RIN1: variants seen among roughly 807,000 people sequenced by gnomAD.
The protein encoded by RIN1 is ras inhibitor 1.
A neutral mutation model predicts 64.9 loss-of-function variants in RIN1; 52 were observed. The observed-to-expected ratio is 0.80, with a 90% CI of 0.64 to 1.01. The LOEUF (loss-of-function observed/expected upper bound fraction) is 1.01. Among genes scored for constraint, RIN1 ranks in the 50% least tolerant of loss-of-function variants. The pLI is 0.00. For synonymous variants in RIN1, 486 were observed against 483.6 expected (o/e 1.00, Z -0.06); for missense variants, 1,040 against 1,064.5 (o/e 0.98, Z 0.32).
Position 66,335,047 on chromosome 11 carries a change from G to C in RIN1, c.752C>G (p.Thr251Arg). 6.5e-7 allele frequency: 1 copy of C among 1,532,560 alleles called. No individual in the cohort carries two copies. Among genetic ancestry groups the C allele is most frequent in the Non-Finnish European group, 8.8e-7 (1 of 1,142,284 alleles). 94.9% of individuals were successfully genotyped at this position (1,532,560 alleles called of 1,614,324 possible). The change falls in exon 6 of 10, where the codon ACA (threonine) becomes AGA (arginine). Residue 251 changes from threonine to arginine, a missense_variant. Transcript: ENST00000311320. The stretch of plus-strand genomic sequence containing the variant: ...TGGAGACAGGGGGCTGGAGGTCTCT[G>C]TGGACACGCGCACTTTGAAGCTTCT... ...FKRSFKVRVSTETSSPLSPPA... is the reference protein window; with the variant it reads ...FKRSFKVRVSRETSSPLSPPA...
rs750484575 is a variant in RIN1, at chr11:66,335,480, C to A, written c.474G>T (p.Pro158=). ...YCHTRDILLL[P]LQLPRAIHHA... ...GGTGGATGGCTCTGGGGAGCTGCAG[C>A]GGGAGGAGAAGGATGTCCCTGAGGC... The change falls in exon 5 of 10, where the codon CCG becomes CCT. Residue 158 remains proline (P), a synonymous_variant. Transcript: ENST00000311320. 3 of 1,613,430 alleles carry A rather than the reference C, an allele frequency of 1.9e-6. No individual in the cohort carries two copies. The highest frequency in any genetic ancestry group is 1.7e-4 in the Middle Eastern group (1 of 6,056).
rs779824770 is a variant in RIN1 at position 66,333,970 on chromosome 11, G to A, written c.1540C>T (p.Arg514Trp). The change falls in exon 7 of 10, where the codon CGG becomes TGG. Residue 514 changes from arginine to tryptophan, a missense_variant. Physicochemically the swap from Arg to Trp is moderately radical, Grantham distance 101. Transcript: ENST00000311320. ...AGCAGCTTGCAGGCCTGCAGGAGCCGCTTGACCTGGGCGCTGGGTGAGTAG... is the reference window on the plus strand; with the variant it reads ...AGCAGCTTGCAGGCCTGCAGGAGCCACTTGACCTGGGCGCTGGGTGAGTAG... Reference protein sequence around the residue: ...RTYSPSAQVKRLLQACKLLYM... With the variant: ...RTYSPSAQVKWLLQACKLLYM... The A allele has an allele frequency of 1.2e-4, 185 of 1,559,058 alleles. No individual in the cohort carries two copies. In the Middle Eastern group the frequency reaches 1.9e-3, roughly 16 times the overall value.
Position 66,336,388 on chromosome 11 carries a change from T to C in RIN1, c.15A>G (p.Gly5=), listed in dbSNP as rs770309225. The C allele has an allele frequency of 1.9e-6, 3 of 1,613,126 alleles. No homozygotes were observed. Among genetic ancestry groups the C allele is most frequent in the Admixed American group, 3.3e-5 (2 of 59,944 alleles). The change falls in exon 1 of 10, where the codon GGA becomes GGG. Residue 5 remains glycine, a synonymous_variant. Coordinates refer to ENST00000311320, the MANE Select transcript of RIN1 (RefSeq NM_004292.3). ...CTCCAGGAGAGCCCGCGCCTGACTCTCCAGGGCTTTCCATGGCTGGGAGCT... is the reference window on the plus strand; with the variant it reads ...CTCCAGGAGAGCCCGCGCCTGACTCCCCAGGGCTTTCCATGGCTGGGAGCT... The part of the protein sequence containing the change: MESP[G]ESGAGSPGAP...
rs374113133 is a variant in RIN1 at position 66,332,791 on chromosome 11, G to A, written c.1876-39C>T. On this transcript the variant is annotated intron_variant, in intron 9 of 9. Transcript: ENST00000311320. Reference sequence around the variant, plus strand: ...GAAGCAAAAACAAGTACTCAGCCCCGGCTGGCATGCATCTGGCTCCAAAGC... The same window carrying A: ...GAAGCAAAAACAAGTACTCAGCCCCAGCTGGCATGCATCTGGCTCCAAAGC... 1,595 of 1,418,526 alleles carry A rather than the reference G, an allele frequency of 1.1e-3. 11 individuals are homozygous for A. Among genetic ancestry groups the A allele is most frequent in the African/African-American group, 9.4e-4 (66 of 70,096 alleles). 87.9% of individuals were successfully genotyped at this position (1,418,526 alleles called of 1,614,324 possible).
chr11:66,335,913 G>C, intron 2 of RIN1, 37 bp from the exon 3 acceptor site: 2 of 1,513,690 alleles, frequency 1.3e-6, no homozygotes, highest in South Asian at 1.3e-5. Context: ...TCAGGACCTT[G>C]GCGTCCCATC....
Position 66,330,785 on chromosome 11 carries a change from A to C in RIN1, c.*1491T>G, listed in dbSNP as rs1174942725. On this transcript the variant is annotated 3_prime_UTR_variant, in exon 10 of 10. Transcript: ENST00000311320. ...CATCTCAAACAAACAAACAAACAAA[A>C]AAACCCAAAAAGCCAATGTCCACGA... 2 of 151,706 alleles carry C rather than the reference A, an allele frequency of 1.3e-5. No homozygotes were observed. Among genetic ancestry groups the C allele is most frequent in the Non-Finnish European group, 2.9e-5 (2 of 68,176 alleles). 9.4% of individuals were successfully genotyped at this position (151,706 alleles called of 1,614,324 possible). A position where few individuals can be genotyped will look rare whatever the true frequency, so the allele number is the denominator to read the frequency against.
chr11:66,333,215 G>C (rs1480366003), intron 9 of RIN1, 43 bp downstream of exon 9: 1 of 1,601,652 alleles, frequency 6.2e-7, no homozygotes, highest in Admixed American at 1.7e-5. Context: ...GTGAAAGGCG[G>C]GGATGGCGTC....
Position 66,334,997 on chromosome 11 carries a change from G to C in RIN1, c.802C>G (p.Pro268Ala). 6.5e-7 allele frequency: 1 copy of C among 1,546,686 alleles called. No individual in the cohort carries two copies. Among genetic ancestry groups the C allele is most frequent in the Non-Finnish European group, 8.7e-7 (1 of 1,148,330 alleles). The change falls in exon 6 of 10, where the codon CCC becomes GCC. Residue 268 changes from proline to alanine, a missense_variant. Coordinates refer to ENST00000311320, the MANE Select transcript of RIN1 (RefSeq NM_004292.3). ...CTGGGGACTGCCCCTGGCAGCACGG[G>C]GACGGGGGGAGGTGGCACGGCAGGT... ...SPPAVPPPPV[P>A]VLPGAVPSQT...
In RIN1 at chr11:66,336,030, A is replaced by G; in HGVS notation, c.215T>C (p.Leu72Pro). The change falls in exon 2 of 10, where the codon CTG becomes CCG. Residue 72 changes from leucine to proline, a missense_variant. Coordinates refer to ENST00000311320, the MANE Select transcript of RIN1 (RefSeq NM_004292.3). ...CAGTGCGGCCGCTGCGTTGGCTTGC[A>G]GCTGCAGCCACACGGGCCGGGTGAG... ...LLLTRPVWLQ[L>P]QANAAAALHM... The G allele has an allele frequency of 6.8e-7, 1 of 1,467,290 alleles. No homozygotes were observed. The allele number at this position is 1,467,290 out of a possible 1,614,324, so 90.9% of individuals were successfully genotyped here.
At chr11:66,336,560 C>T, upstream of RIN1, 1 of 652,240 alleles carries the variant, frequency 1.5e-6, no homozygotes, top group African/African-American at 1.8e-5. Context: ...CTCCTCTGTT[C>T]TGGACCCTGC....
At position 66,335,059 on chromosome 11, in the gene RIN1, A is replaced by T. The variant is rs531365684; in HGVS notation, c.740T>A (p.Val247Glu). 6.5e-7 allele frequency: 1 copy of T among 1,526,844 alleles called. No individual in the cohort carries two copies. Among genetic ancestry groups the T allele is most frequent in the Non-Finnish European group, 8.8e-7 (1 of 1,139,686 alleles). The allele number at this position is 1,526,844 out of a possible 1,614,324, so 94.6% of individuals were successfully genotyped here. The change falls in exon 6 of 10, where the codon GTG becomes GAG. Residue 247 changes from valine (V) to glutamate (E), a missense_variant. Physicochemically the swap from Val to Glu is moderately radical, Grantham distance 121. Transcript: ENST00000311320. ...GCTGGAGGTCTCTGTGGACACGCGC[A>T]CTTTGAAGCTTCTCTTGAATTTCTC... ...KREKFKRSFK[V>E]RVSTETSSPL...
Position 66,335,857 on chromosome 11 carries a change from G to T in RIN1, c.287C>A (p.Ser96Tyr). ...CAGGGCCTGGCACTGGCGGGTGTTA[G>T]ATTTCCGCACGAGGAACGTCTGCAA... Reference protein sequence around the residue: ...EPPGTFLVRKSNTRQCQALCM... With the variant: ...EPPGTFLVRKYNTRQCQALCM... The change falls in exon 3 of 10, where the codon TCT (serine) becomes TAT (tyrosine). Residue 96 changes from serine to tyrosine, a missense_variant. By Grantham distance (144) the Ser-to-Tyr change is moderately radical (BLOSUM62 -2). Coordinates refer to ENST00000311320, the MANE Select transcript of RIN1 (RefSeq NM_004292.3). The T allele has an allele frequency of 6.3e-7, 1 of 1,578,552 alleles. No individual in the cohort carries two copies. Among genetic ancestry groups the T allele is most frequent in the Non-Finnish European group, 8.6e-7 (1 of 1,161,126 alleles).
At chr11:66,333,834 T>C in intron 7 of RIN1, 85 bp downstream of exon 7, 1 of 1,438,504 alleles carries the variant, frequency 7.0e-7, no homozygotes. Context: ...TGCAGGGCTG[T>C]TCTAGGGTCC....
chr11:66,335,394 A>G lies in RIN1; in HGVS notation c.547+13T>C, dbSNP rs770588400. On this transcript the variant is annotated intron_variant, in intron 5 of 9. Coordinates refer to ENST00000311320, the MANE Select transcript of RIN1 (RefSeq NM_004292.3). Reference sequence around the variant, plus strand: ...CTTGTTCATCTGTGCAATGGGTGGCAGGAAGCCCTTACCAATGCCCAGATG... The same window carrying G: ...CTTGTTCATCTGTGCAATGGGTGGCGGGAAGCCCTTACCAATGCCCAGATG... 1 of 1,598,844 alleles carries G rather than the reference A, an allele frequency of 6.3e-7. No individual in the cohort carries two copies. The highest frequency in any genetic ancestry group is 2.2e-5 in the East Asian group (1 of 44,620).
In RIN1 at chr11:66,335,398, AGCCCTTACC is replaced by A. The variant is rs750214129; in HGVS notation, c.547_547+8del. ...TTCATCTGTGCAATGGGTGGCAGGA[AGCCCTTACC>A]AATGCCCAGATGGGAGATGGCCTCC... is the stretch of plus-strand genomic sequence containing the variant. On this transcript the variant is annotated splice_donor_variant and splice_donor_5th_base_variant and coding_sequence_variant and intron_variant, in exon 5 of 10. Transcript: ENST00000311320. LOFTEE classifies it high-confidence loss of function. 44 of 1,601,030 alleles carry A rather than the reference AGCCCTTACC, an allele frequency of 2.7e-5. No individual in the cohort carries two copies. The highest frequency in any genetic ancestry group is 3.7e-5 in the Non-Finnish European group (43 of 1,171,172).
Position 66,331,134 on chromosome 11 carries a change from T to G in RIN1, c.*1142A>C, listed in dbSNP as rs1295100434. 6.6e-6 allele frequency: 1 copy of G among 152,392 alleles called. No individual in the cohort carries two copies. Among genetic ancestry groups the G allele is most frequent in the Non-Finnish European group, 1.5e-5 (1 of 68,158 alleles). The allele number at this position is 152,392 out of a possible 1,614,324, so 9.4% of individuals were successfully genotyped here. On this transcript the variant is annotated 3_prime_UTR_variant, in exon 10 of 10. Coordinates refer to ENST00000311320, the MANE Select transcript of RIN1 (RefSeq NM_004292.3). ...AGATTCCCGGGCCGTGCACACCCCC[T>G]CGTGGTTGGTGGTCGGCACTTTTCC...
intron 9 of RIN1, 178 bp from the exon 10 acceptor site, chr11:66,332,930 C>A (rs932198260): frequency 8.0e-6 from 5 of 622,360 alleles, no homozygotes; most frequent in Middle Eastern, 4.3e-4. Flanking sequence ...TGGGCCACAG[C>A]CGCAGGTGCA....
In RIN1 at chr11:66,333,978, T is replaced by G. The variant is rs763368944; in HGVS notation, c.1532A>C (p.Gln511Pro). The G allele has an allele frequency of 7.7e-6, 12 of 1,561,048 alleles. No homozygotes were observed. The highest frequency in any genetic ancestry group is 9.5e-6 in the Non-Finnish European group (11 of 1,153,254). Reference protein sequence around the residue: ...QLLRTYSPSAQVKRLLQACKL... With the variant: ...QLLRTYSPSAPVKRLLQACKL... ...GCAGGCCTGCAGGAGCCGCTTGACC[T>G]GGGCGCTGGGTGAGTAGGTGCGGAG... Residue 511 changes from glutamine (Q) to proline (P), a missense_variant, in exon 7 of 10, where the codon CAG (glutamine) becomes CCG (proline). Gln to Pro is a moderately conservative substitution (Grantham distance 76). Coordinates refer to ENST00000311320, the MANE Select transcript of RIN1 (RefSeq NM_004292.3).
Position 66,333,959 on chromosome 11 carries a change from C to T in RIN1, c.1551G>A (p.Gln517=). 1 of 1,556,260 alleles carries T rather than the reference C, an allele frequency of 6.4e-7. No individual in the cohort carries two copies. Among genetic ancestry groups the T allele is most frequent in the South Asian group, 1.2e-5 (1 of 84,238 alleles). The part of the protein sequence containing the change: ...SPSAQVKRLL[Q]ACKLLYMALR... ...GGGCCATGTAGAGCAGCTTGCAGGC[C>T]TGCAGGAGCCGCTTGACCTGGGCGC... The change falls in exon 7 of 10, where the codon CAG becomes CAA. Residue 517 remains glutamine, a synonymous_variant. Coordinates refer to ENST00000311320, the MANE Select transcript of RIN1 (RefSeq NM_004292.3).
Sources: allele counts gnomAD v4.1 joint callset, GRCh38; gene constraint gnomAD v4.1.1; transcripts MANE v1.5; gene names NCBI Gene and HGNC (gene_info 2026-07-23, HGNC 2026-07-21).